Variants in GABRG3 observed in about 807,000 individuals in gnomAD.
The protein encoded by GABRG3 is gamma-aminobutyric acid receptor subunit gamma-3.
A neutral mutation model predicts 48.8 loss-of-function variants in GABRG3; 25 were observed. The observed-to-expected ratio is 0.51, with a 90% confidence interval of 0.37 to 0.72. GABRG3 has a LOEUF of 0.72. Ranked by LOEUF, GABRG3 falls within the 30% of genes least tolerant of loss-of-function variation. GABRG3 has a pLI of 0.00. For synonymous variants in GABRG3, 227 were observed against 217.6 expected (o/e 1.04, Z -0.38); for missense variants, 394 against 577.9 (o/e 0.68, Z 3.26).
intron 5 of GABRG3, among the ~76,000 whole-genome samples, chr15:27,464,224 A>G (rs34278471): frequency 0.033 from 5,063 of 152,126 alleles, 167 homozygotes; most frequent in East Asian, 0.16. Flanking sequence ...CATTGTCATC[A>G]CCCCAAAATG....
chr15:27,154,203 T>TA (rs1207859648), intron 3 of GABRG3, among the ~76,000 whole-genome samples: 2 of 152,184 alleles, frequency 1.3e-5, no homozygotes, highest in African/African-American at 4.8e-5. Context: ...GCCCTGTTGA[T>TA]ATGTGGCATG....
intron 3 of GABRG3, among the ~76,000 whole-genome samples, chr15:27,113,554 C>T (rs1897591378): frequency 6.6e-6 from 1 of 152,138 alleles, no homozygotes; most frequent in African/African-American, 2.4e-5. Context: ...AGAGGATATA[C>T]ACTGTGGAGC....
intron 5 of GABRG3, among the ~76,000 whole-genome samples, chr15:27,437,443 T>C (rs561287274): frequency 6.6e-6 from 1 of 152,346 alleles, no homozygotes; most frequent in South Asian, 2.1e-4. Context: ...AAAATGGCTT[T>C]TTCTTCCACA....
At chr15:27,125,611 T>C (rs761753137) in intron 3 of GABRG3, among the ~76,000 whole-genome samples, 14 of 152,242 alleles carry the variant, frequency 9.2e-5, no homozygotes, top group Non-Finnish European at 1.6e-4. Flanking sequence ...TACAATTTTA[T>C]GTGTTGACCA....
At chr15:27,007,486 C>G (rs1287021429) in intron 2 of GABRG3, among the ~76,000 whole-genome samples, 1 of 152,196 alleles carries the variant, frequency 6.6e-6, no homozygotes, top group East Asian at 1.9e-4. Flanking sequence ...TTTGAGAAAT[C>G]ACCATACTAC....
chr15:26,984,800 C>A (rs1895121837), intron 2 of GABRG3, among the ~76,000 whole-genome samples: 1 of 152,182 alleles, frequency 6.6e-6, no homozygotes, highest in South Asian at 2.1e-4. Context: ...CAGATTCCCT[C>A]CCCAGTATGT....
chr15:27,012,050 T>C (rs1010977452), intron 2 of GABRG3, among the ~76,000 whole-genome samples: 1 of 152,304 alleles, frequency 6.6e-6, no homozygotes, highest in African/African-American at 2.4e-5. Flanking sequence ...TATGCTATAA[T>C]TTATTAATAG....
At chr15:27,306,322 CTATA>C (rs1252037276) in intron 3 of GABRG3, among the ~76,000 whole-genome samples, 1 of 128,728 alleles carries the variant, frequency 7.8e-6, no homozygotes, top group Non-Finnish European at 1.6e-5. Context: ...ATAAACATGT[CTATA>C]TATAAACATA....
At chr15:27,207,659 G>A (rs1200734452) in intron 3 of GABRG3, among the ~76,000 whole-genome samples, 1 of 152,200 alleles carries the variant, frequency 6.6e-6, no homozygotes, top group African/African-American at 2.4e-5. Flanking sequence ...CACCAGGGGG[G>A]CACAGATGTG....
At chr15:27,008,970 A>T (rs941259233) in intron 2 of GABRG3, among the ~76,000 whole-genome samples, 2 of 152,018 alleles carry the variant, frequency 1.3e-5, no homozygotes, top group South Asian at 4.1e-4. Context: ...TCCAGAGAAG[A>T]GAGGTAGGGG....
intron 5 of GABRG3, among the ~76,000 whole-genome samples, chr15:27,444,196 T>A (rs1888874081): frequency 6.6e-6 from 1 of 152,196 alleles, no homozygotes; most frequent in Non-Finnish European, 1.5e-5. Flanking sequence ...GGAAGTGGGA[T>A]CAACTTCATC....
chr15:27,183,389 G>A (rs1317471624), intron 3 of GABRG3, among the ~76,000 whole-genome samples: 1 of 152,180 alleles, frequency 6.6e-6, no homozygotes, highest in Non-Finnish European at 1.5e-5. Context: ...AGGAGTGATG[G>A]AGTAGCCTGC....
intron 3 of GABRG3, among the ~76,000 whole-genome samples, chr15:27,253,591 T>C (rs1247708416): frequency 6.6e-6 from 1 of 152,230 alleles, no homozygotes; most frequent in African/African-American, 2.4e-5. Flanking sequence ...AGAGCCTCCC[T>C]CTGGCTTAAG....
chr15:27,010,286 CTGTT>C (rs534801562), intron 2 of GABRG3, among the ~76,000 whole-genome samples: 1 of 152,190 alleles, frequency 6.6e-6, no homozygotes, highest in African/African-American at 2.4e-5. Context: ...TGTCCTCTCT[CTGTT>C]TGTGCTTTCA....
intron 2 of GABRG3, among the ~76,000 whole-genome samples, chr15:27,024,132 G>GT (rs1566912141): frequency 6.6e-6 from 1 of 151,928 alleles, no homozygotes; most frequent in East Asian, 1.9e-4. Flanking sequence ...GTCTATTTAC[G>GT]TTTTTTTGCC....
intron 2 of GABRG3, among the ~76,000 whole-genome samples, chr15:26,993,099 C>T (rs916220223): frequency 6.6e-6 from 1 of 151,916 alleles, no homozygotes; most frequent in Non-Finnish European, 1.5e-5. Flanking sequence ...GGTCATCTCT[C>T]TTTTTTTCTT....
intron 5 of GABRG3, chr15:27,365,362 G>A (rs1895160905): frequency 6.8e-6 from 1 of 147,314 alleles, no homozygotes; most frequent in South Asian, 2.2e-4. Flanking sequence ...ACTCTTCCCT[G>A]TCCGCAGTGC....
intron 5 of GABRG3, among the ~76,000 whole-genome samples, chr15:27,342,743 G>A (rs1251034693): frequency 1.3e-5 from 2 of 152,186 alleles, no homozygotes; most frequent in Non-Finnish European, 2.9e-5. Context: ...CTTTGTCTTT[G>A]ATCCACAGTG....
chr15:27,195,019 A>G (rs1489358086), intron 3 of GABRG3, among the ~76,000 whole-genome samples: 1 of 152,198 alleles, frequency 6.6e-6, no homozygotes, highest in African/African-American at 2.4e-5. Flanking sequence ...CCTCAATTCT[A>G]TACAGTCTGT....
Sources: gnomAD v4.1 joint callset for allele counts (sites outside exome capture counted in the v4.1 genomes callset) on GRCh38, gnomAD v4.1.1 for gene constraint, MANE v1.5 for transcripts, NCBI Gene and HGNC (gene_info 2026-07-23, HGNC 2026-07-21) for gene names.